The following CALML4 variants were observed in gnomAD, a reference collection of about 807,000 sequenced individuals.
CALML4 encodes the protein calmodulin-like protein 4.
Under a neutral mutation model 17.9 loss-of-function variants are expected in CALML4, and 16 were observed. The ratio of observed to expected loss-of-function variants is 0.89; its 90% confidence interval spans 0.61 to 1.36. The LOEUF (loss-of-function observed/expected upper bound fraction) is 1.36. Among genes scored for constraint, CALML4 ranks in the 40% most tolerant of loss-of-function variants. CALML4 has a pLI of 0.00. For missense variants in CALML4, 203 were observed against 194.8 expected (o/e 1.04, Z -0.25); for synonymous variants, 86 against 71.5 (o/e 1.20, Z -1.02).
upstream of CALML4, chr15:68,205,602 G>A (rs533374270): frequency 4.8e-4 from 271 of 565,698 alleles, no homozygotes; most frequent in African/African-American, 3.9e-3. This position sits in a 1 kb window ranked among gnomAD's most constrained non-coding sequence, Gnocchi z 4.8. Context: ...CCTGGGACTC[G>A]GCGGGGATGC....
In CALML4 at chr15:68,205,170, AACAGTCAGGGGAGGGCTCC is replaced by A. The variant is rs1567092617; in HGVS notation, c.4-38_4-20del. The stretch of plus-strand genomic sequence containing the variant: ...ACTTGGCCTGCAGCAGAGAAAGGAA[AACAGTCAGGGGAGGGCTCC>A]ACCTGAGGTTCACGCCCCCAGCCCT... On this transcript the variant is annotated intron_variant, in intron 1 of 4. Coordinates refer to ENST00000467889, the MANE Select transcript of CALML4 (RefSeq NM_033429.3). The surrounding 1 kb of genome is among the most constrained non-coding windows in gnomAD (Gnocchi z 4.8). 1 of 1,614,188 alleles carries A rather than the reference AACAGTCAGGGGAGGGCTCC, an allele frequency of 6.2e-7. No individual in the cohort carries two copies. Among genetic ancestry groups the A allele is most frequent in the Admixed American group, 1.7e-5 (1 of 60,028 alleles).
chr15:68,202,398 G>A (rs2093168035), intron 2 of CALML4, among the ~76,000 whole-genome samples: 1 of 152,190 alleles, frequency 6.6e-6, no homozygotes, highest in African/African-American at 2.4e-5. Context: ...TTGGGCCCAG[G>A]AGTTCGAGAC....
chr15:68,197,566 CTTGTT>C lies in CALML4; in HGVS notation c.233_237del (p.Lys78ArgfsTer45), dbSNP rs745615330. On this transcript the variant is annotated frameshift_variant, in exon 4 of 5. Coordinates refer to ENST00000467889, the MANE Select transcript of CALML4 (RefSeq NM_033429.3). LOFTEE classifies it high-confidence loss of function. This position sits in a 1 kb window ranked among gnomAD's most constrained non-coding sequence, Gnocchi z 4.1. ...AGAAGAATTTCTTTCTTTGGGTCTT[CTTGTT>C]TTATTTGCATGTGCATAATGGTCAG... The C allele has an allele frequency of 1.4e-5, 23 of 1,613,996 alleles. No individual in the cohort carries two copies. The highest frequency in any genetic ancestry group is 2.7e-5 in the African/African-American group (2 of 74,898).
chr15:68,199,739 C>T, intron 2 of CALML4, 58 bp from the exon 3 acceptor site: 2 of 1,551,192 alleles, frequency 1.3e-6, no homozygotes, highest in Non-Finnish European at 1.8e-6. Context: ...CCCATGCCGC[C>T]CTCCCCATCC....
chr15:68,194,933 TAA>T (rs35301423), intron 4 of CALML4, among the ~76,000 whole-genome samples: 10 of 134,736 alleles, frequency 7.4e-5, no homozygotes, highest in African/African-American at 1.7e-4. Flanking sequence ...CCATCACCTC[TAA>T]AAAAAAAAAA....
rs35301423 is a variant in CALML4 at position 68,194,933 on chromosome 15, T to TAA, written c.365-823_365-822dup. ...AAGCACTGTCTGCTACCATCACCTC[T>TAA]AAAAAAAAAAAAAAATGTTTGGGGG... On this transcript the variant is annotated intron_variant, in intron 4 of 4. Coordinates refer to ENST00000467889, the MANE Select transcript of CALML4 (RefSeq NM_033429.3). Among the ~76,000 whole-genome samples the TAA allele has an allele frequency of 8.1e-3, 1,085 of 134,702 alleles. 4 individuals are homozygous for TAA. Among genetic ancestry groups the TAA allele is most frequent in the Admixed American group, 0.017 (218 of 12,934 alleles). The allele number at this position is 134,702 out of a possible 152,430, so 88.4% of individuals were successfully genotyped here. A position where few individuals can be genotyped will look rare whatever the true frequency, so the allele number is the denominator to read the frequency against.
chr15:68,203,549 G>A (rs1250274693), intron 2 of CALML4, among the ~76,000 whole-genome samples: 4 of 152,216 alleles, frequency 2.6e-5, no homozygotes, highest in African/African-American at 7.2e-5. Context: ...AATAATGGCT[G>A]GCTTTAACAT....
chr15:68,194,253 T>C (rs1031135001), intron 4 of CALML4, 141 bp from the exon 5 acceptor site: 1 of 633,038 alleles, frequency 1.6e-6, no homozygotes, highest in Non-Finnish European at 2.8e-6. Flanking sequence ...AGTAAACCAG[T>C]GAACAGAAAG....
rs1374036469 is a variant in CALML4, at chr15:68,201,643, T to C, written c.35-1962A>G. 2.6e-5 allele frequency among the ~76,000 whole-genome samples: 4 copies of C among 152,134 alleles called. No individual in the cohort carries two copies. The East Asian group carries it at 7.7e-4, about 29-fold the overall frequency. ...CTTCACTACTCCCCGACAAGCCCTG[T>C]CAGTCACTGGGGGCCTGTGGTCCTT... On this transcript the variant is annotated intron_variant, in intron 2 of 4. Coordinates refer to ENST00000467889, the MANE Select transcript of CALML4 (RefSeq NM_033429.3).
chr15:68,202,661 T>TG (rs2093168952), intron 2 of CALML4, among the ~76,000 whole-genome samples: 1 of 151,016 alleles, frequency 6.6e-6, no homozygotes, highest in East Asian at 1.9e-4. Context: ...TTTTTTTTTT[T>TG]TGAGAGAGTT....
intron 4 of CALML4, among the ~76,000 whole-genome samples, chr15:68,196,759 CT>C (rs2093146213): frequency 6.6e-6 from 1 of 152,166 alleles, no homozygotes; most frequent in Non-Finnish European, 1.5e-5. Flanking sequence ...CCTCGTCCTG[CT>C]CTGAGGCAGG....
Position 68,199,584 on chromosome 15 carries a change from C to G in CALML4, c.132G>C (p.Pro44=). The G allele has an allele frequency of 6.2e-7, 1 of 1,613,768 alleles. No individual in the cohort carries two copies. ...MVAMRCLGAS[P]TPGEVQRHLQ... ...GGTGCCGCTGCACCTCCCCTGGCGTCGGGCTGGCCCCCAGGCACCTCATGG... is the reference window on the plus strand; with the variant it reads ...GGTGCCGCTGCACCTCCCCTGGCGTGGGGCTGGCCCCCAGGCACCTCATGG... The change falls in exon 3 of 5, where the codon CCG becomes CCC. Residue 44 remains proline (P), a synonymous_variant. Transcript: ENST00000467889.
At chr15:68,195,269 G>A (rs1002020260) in intron 4 of CALML4, among the ~76,000 whole-genome samples, 5 of 152,092 alleles carry the variant, frequency 3.3e-5, no homozygotes, top group African/African-American at 7.3e-5. Flanking sequence ...ACCTCCGGTC[G>A]TCAGTTAGAA....
At position 68,193,327 on chromosome 15, in the gene CALML4, A is replaced by T. The variant is rs1004854033; in HGVS notation, c.*688T>A. The T allele has an allele frequency of 6.6e-6, 1 of 152,284 alleles. No homozygotes were observed. The allele number at this position is 152,284 out of a possible 1,614,324, so 9.4% of individuals were successfully genotyped here. A position where few individuals can be genotyped will look rare whatever the true frequency, so the allele number is the denominator to read the frequency against. On this transcript the variant is annotated 3_prime_UTR_variant, in exon 5 of 5. Transcript: ENST00000467889. ...AGATCGCTCTTCCTGCTCTCAGCTG[A>T]TGCTGCCTCATTGTAGCATGTGTTT...
At position 68,191,109 on chromosome 15, in the gene CALML4, T is replaced by C. The variant is rs531601722; in HGVS notation, c.*2906A>G. The C allele has an allele frequency of 4.6e-5, 7 of 152,776 alleles. No individual in the cohort carries two copies. Among genetic ancestry groups the C allele is most frequent in the African/African-American group, 1.4e-4 (6 of 41,584 alleles). The allele number at this position is 152,776 out of a possible 1,614,324, so 9.5% of individuals were successfully genotyped here. On this transcript the variant is annotated 3_prime_UTR_variant, in exon 5 of 5. Transcript: ENST00000467889. ...ATAGATGTTGAATTCTGTTTTTTAA[T>C]TAAATACAAAGCTTAGATTTCAGAA...
Position 68,193,784 on chromosome 15 carries a change from G to T in CALML4, c.*231C>A. The T allele has an allele frequency of 2.2e-6, 1 of 451,858 alleles. No homozygotes were observed. The highest frequency in any genetic ancestry group is 4.0e-6 in the Non-Finnish European group (1 of 249,816). 28.0% of individuals were successfully genotyped at this position (451,858 alleles called of 1,614,324 possible). ...CCGCAGGCTCCTTCCATGCTTGAAA[G>T]GGCCGGACTCACGGTAGTTAATAAA... On this transcript the variant is annotated 3_prime_UTR_variant, in exon 5 of 5. Transcript: ENST00000467889.
rs886422557 is a variant in CALML4, at chr15:68,197,004, C to T, written c.364+436G>A. Among the ~76,000 whole-genome samples, 6 of 152,140 alleles carry T rather than the reference C, an allele frequency of 3.9e-5. No homozygotes were observed. Among genetic ancestry groups the T allele is most frequent in the Non-Finnish European group, 8.8e-5 (6 of 68,030 alleles). On this transcript the variant is annotated intron_variant, in intron 4 of 4. Transcript: ENST00000467889. This position sits in a 1 kb window ranked among gnomAD's most constrained non-coding sequence, Gnocchi z 4.1. The stretch of plus-strand genomic sequence containing the variant: ...CAGACTGCTGTGATGGGAAAAAGGG[C>T]AGGGATGTCTAGACCTGCCTTCGCT...
chr15:68,197,401 C>T lies in CALML4; in HGVS notation c.364+39G>A, dbSNP rs761007797. The T allele has an allele frequency of 1.3e-6, 2 of 1,595,582 alleles. No homozygotes were observed. The highest frequency in any genetic ancestry group is 1.7e-6 in the Non-Finnish European group (2 of 1,169,784). On this transcript the variant is annotated intron_variant, in intron 4 of 4. Transcript: ENST00000467889. This position sits in a 1 kb window ranked among gnomAD's most constrained non-coding sequence, Gnocchi z 4.1. ...TGGTGCCCTCCTTCCAACTCCCTAA[C>T]CCCCTCCAACTGTTGGGAGACAGGA... is the stretch of plus-strand genomic sequence containing the variant.
intron 2 of CALML4, among the ~76,000 whole-genome samples, chr15:68,201,364 C>CAG (rs1220767698): frequency 3.3e-5 from 5 of 152,224 alleles, no homozygotes; most frequent in African/African-American, 7.2e-5. Context: ...GGCCCAGTGC[C>CAG]AGAGGGGACA....
Sources: allele counts gnomAD v4.1 joint callset (sites outside exome capture counted in the v4.1 genomes callset), GRCh38; gene constraint gnomAD v4.1.1; non-coding constraint Gnocchi (gnomAD v3.1); transcripts MANE v1.5; gene names NCBI Gene and HGNC (gene_info 2026-07-23, HGNC 2026-07-21).